Variants in ZNF213 observed in about 807,000 individuals in gnomAD.
The protein encoded by ZNF213 is putative transcription factor CR53.
ZNF213 carries 32 observed loss-of-function variants against 46.0 expected under a neutral mutation model. That is an observed-to-expected ratio of 0.70 (90% CI 0.52 to 0.93). The LOEUF is 0.93. Among genes scored for constraint, ZNF213 ranks in the 40% least tolerant of loss-of-function variants. ZNF213 has a pLI of 0.00. For synonymous variants in ZNF213, 297 were observed against 271.0 expected (o/e 1.10, Z -0.94); for missense variants, 639 against 652.8 (o/e 0.98, Z 0.23).
At chr16:3,138,020 C>T in intron 2 of ZNF213, 1 of 463,140 alleles carries the variant, frequency 2.2e-6, no homozygotes, top group South Asian at 2.3e-5. Context: ...GAGCCAGCTC[C>T]AGAGTGGGGC....
rs752900277 is a variant in ZNF213, at chr16:3,141,305, G to C, written c.1338G>C (p.Ala446=). 6 of 1,599,892 alleles carry C rather than the reference G, an allele frequency of 3.8e-6. No individual in the cohort carries two copies. The highest frequency in any genetic ancestry group is 1.7e-4 in the Middle Eastern group (1 of 5,816). Residue 446 remains alanine (A), a synonymous_variant, in exon 6 of 6, where the codon GCG becomes GCC. Transcript: ENST00000396878. The part of the protein sequence containing the change: ...KSFKQRAHLI[A]HQSLHAKMAQ... ...TCAAGCAGCGCGCGCACCTCATCGCGCATCAGAGCCTGCACGCCAAGATGG... is the reference window on the plus strand; with the variant it reads ...TCAAGCAGCGCGCGCACCTCATCGCCCATCAGAGCCTGCACGCCAAGATGG...
rs1051506996 is a variant in ZNF213, at chr16:3,141,646, G to C, written c.*299G>C. On this transcript the variant is annotated 3_prime_UTR_variant, in exon 6 of 6. Coordinates refer to ENST00000396878, the MANE Select transcript of ZNF213 (RefSeq NM_004220.3). ...AACACATTCCTGGCAGGGACAGCAGGGTGGCAAGGACTCAGGTCTAGGTCC... is the reference window on the plus strand; with the variant it reads ...AACACATTCCTGGCAGGGACAGCAGCGTGGCAAGGACTCAGGTCTAGGTCC... The C allele has an allele frequency of 2.3e-6, 1 of 443,734 alleles. No homozygotes were observed. The highest frequency in any genetic ancestry group is 4.0e-5 in the Admixed American group (1 of 25,126). The allele number at this position is 443,734 out of a possible 1,614,324, so 27.5% of individuals were successfully genotyped here.
Position 3,140,801 on chromosome 16 carries a change from G to A in ZNF213, c.834G>A (p.Glu278=). 1.3e-6 allele frequency: 2 copies of A among 1,596,050 alleles called. No individual in the cohort carries two copies. The highest frequency in any genetic ancestry group is 1.1e-5 in the South Asian group (1 of 88,956). ...TGTCCTGGAGCCCCGAGGAGGCTGAGGCCTGGGAGAGCGAGAACCGGCCGA... is the reference window on the plus strand; with the variant it reads ...TGTCCTGGAGCCCCGAGGAGGCTGAAGCCTGGGAGAGCGAGAACCGGCCGA... ...VTVSWSPEEA[E]AWESENRPRA... The change falls in exon 6 of 6, where the codon GAG becomes GAA. Residue 278 remains glutamate (E), a synonymous_variant. Transcript: ENST00000396878.
chr16:3,139,640 C>CTGTCCAGATG (rs1555449578), intron 5 of ZNF213: 3,203 of 155,226 alleles, frequency 0.021, 91 homozygotes, highest in East Asian at 0.14. Context: ...CTGTCCAGAT[C>CTGTCCAGATG]TGTGTTGAGT....
intron 5 of ZNF213, 64 bp from the exon 6 acceptor site, chr16:3,140,625 C>T: frequency 6.9e-7 from 1 of 1,446,272 alleles, no homozygotes; most frequent in Non-Finnish European, 9.1e-7. Flanking sequence ...CTTGTTTCTT[C>T]CTCACCTCAG....
At chr16:3,138,288 G>T in intron 2 of ZNF213, 130 bp from the exon 3 acceptor site, 1 of 1,505,144 alleles carries the variant, frequency 6.6e-7, no homozygotes, top group Non-Finnish European at 8.9e-7. Context: ...TTTTCCTGGG[G>T]CACCATATTG....
intron 2 of ZNF213, 98 bp downstream of exon 2, chr16:3,137,777 T>C (rs1957557705): frequency 6.9e-7 from 1 of 1,452,474 alleles, no homozygotes; most frequent in Non-Finnish European, 9.2e-7. Context: ...GCTCACAGGG[T>C]AGGGGAGACA....
Position 3,135,078 on chromosome 16 carries a change from C to G in ZNF213, c.-425C>G, listed in dbSNP as rs1301100393. 2.1e-5 allele frequency: 2 copies of G among 95,130 alleles called. No individual in the cohort carries two copies. Among genetic ancestry groups the G allele is most frequent in the Admixed American group, 1.5e-4 (1 of 6,472 alleles). 5.9% of individuals were successfully genotyped at this position (95,130 alleles called of 1,614,324 possible). A position where few individuals can be genotyped will look rare whatever the true frequency, so the allele number is the denominator to read the frequency against. On this transcript the variant is annotated 5_prime_UTR_variant, in exon 1 of 6. Coordinates refer to ENST00000396878, the MANE Select transcript of ZNF213 (RefSeq NM_004220.3). ...GCGGCGGAAGTGGGATCTCCTGGGC[C>G]GTAGTGGGCGTTGTGTGTTTCGGGG...
chr16:3,140,245 G>GT (rs1321959613), intron 5 of ZNF213: 1 of 153,766 alleles, frequency 6.5e-6, no homozygotes, highest in Non-Finnish European at 1.4e-5. Context: ...GTTTTTGTTT[G>GT]TTTTTGAGAC....
In ZNF213 at chr16:3,138,534, C is replaced by A; in HGVS notation, c.516C>A (p.Ser172Arg). Residue 172 changes from serine (S) to arginine (R), a missense_variant, in exon 3 of 6, where the codon AGC (serine) becomes AGA (arginine). Coordinates refer to ENST00000396878, the MANE Select transcript of ZNF213 (RefSeq NM_004220.3). ...RRPSVPQEQH[S>R]HSAQPPALLK... ...CGTCTGTTCCCCAGGAGCAGCACAGCCATAGCGGTGAGTAAGCCTCCGTTC... is the reference window on the plus strand; with the variant it reads ...CGTCTGTTCCCCAGGAGCAGCACAGACATAGCGGTGAGTAAGCCTCCGTTC... 1 of 1,614,094 alleles carries A rather than the reference C, an allele frequency of 6.2e-7. No homozygotes were observed. The highest frequency in any genetic ancestry group is 8.5e-7 in the Non-Finnish European group (1 of 1,180,008).
In ZNF213 at chr16:3,141,152, C is replaced by T. The variant is rs1173726426; in HGVS notation, c.1185C>T (p.His395=). 3.1e-6 allele frequency: 5 copies of T among 1,612,594 alleles called. No homozygotes were observed. Among genetic ancestry groups the T allele is most frequent in the Non-Finnish European group, 4.2e-6 (5 of 1,179,818 alleles). ...ACCTGGCCGACCACCAGCGCATACA[C>T]ACGGGCGAGAAGCCTTTCGGCTGCA... is the stretch of plus-strand genomic sequence containing the variant. ...SAYLADHQRI[H]TGEKPFGCSD... Residue 395 remains histidine (H), a synonymous_variant, in exon 6 of 6, where the codon CAC becomes CAT. Transcript: ENST00000396878.
chr16:3,139,890 G>A (rs1373937830), intron 5 of ZNF213: 1 of 152,124 alleles, frequency 6.6e-6, no homozygotes, highest in Admixed American at 6.5e-5. Flanking sequence ...ACAGGCATGA[G>A]CCACCATGCC....
In ZNF213 at chr16:3,135,141, C is replaced by T. The variant is rs1444894157; in HGVS notation, c.-362C>T. 1.3e-4 allele frequency: 20 copies of T among 153,010 alleles called. No individual in the cohort carries two copies. The highest frequency in any genetic ancestry group is 8.5e-4 in the Admixed American group (13 of 15,264). 9.5% of individuals were successfully genotyped at this position (153,010 alleles called of 1,614,324 possible). On this transcript the variant is annotated 5_prime_UTR_variant, in exon 1 of 6. Coordinates refer to ENST00000396878, the MANE Select transcript of ZNF213 (RefSeq NM_004220.3). Reference sequence around the variant, plus strand: ...GCGGGGGCCGGGGCGGGGACGGGGCCTCTGGCCGCCTGGCTCCAACATCAA... The same window carrying T: ...GCGGGGGCCGGGGCGGGGACGGGGCTTCTGGCCGCCTGGCTCCAACATCAA...
At position 3,140,714 on chromosome 16, in the gene ZNF213, G is replaced by A. The variant is rs2141539810; in HGVS notation, c.747G>A (p.Glu249=). 6.6e-7 allele frequency: 1 copy of A among 1,517,172 alleles called. No homozygotes were observed. Among genetic ancestry groups the A allele is most frequent in the South Asian group, 1.3e-5 (1 of 75,696 alleles). 94.0% of individuals were successfully genotyped at this position (1,517,172 alleles called of 1,614,324 possible). ...GTTTTGGGCTCAAAGGCCAAAGTGA[G>A]AAGTCCCTGCTGCAGGAGATGGTGC... The part of the protein sequence containing the change: ...TLGFGLKGQS[E]KSLLQEMVPV... The change falls in exon 6 of 6, where the codon GAG becomes GAA. Residue 249 remains glutamate, a synonymous_variant. Transcript: ENST00000396878.
chr16:3,141,315 C>T lies in ZNF213; in HGVS notation c.1348C>T (p.Leu450=), dbSNP rs577032524. Residue 450 remains leucine (L), a synonymous_variant, in exon 6 of 6, where the codon CTG becomes TTG. Transcript: ENST00000396878. ...QRAHLIAHQS[L]HAKMAQPVG The stretch of plus-strand genomic sequence containing the variant: ...CGCGCACCTCATCGCGCATCAGAGC[C>T]TGCACGCCAAGATGGCCCAGCCCGT... 6.5e-4 allele frequency: 1,038 copies of T among 1,588,362 alleles called. 11 individuals are homozygous for T. The South Asian group carries it at 0.011, about 17-fold the overall frequency.
chr16:3,138,314 C>G, intron 2 of ZNF213, 104 bp from the exon 3 acceptor site: 2 of 1,550,922 alleles, frequency 1.3e-6, no homozygotes, highest in Non-Finnish European at 1.7e-6. Context: ...CTTCCCACAC[C>G]CCAGCATCCT....
Position 3,141,611 on chromosome 16 carries a change from C to T in ZNF213, c.*264C>T, listed in dbSNP as rs1957605515. On this transcript the variant is annotated 3_prime_UTR_variant, in exon 6 of 6. Transcript: ENST00000396878. ...AGCGTTCCTCTTCCCCTCTAGTTTCCTGGAGCCCCAACACATTCCTGGCAG... is the reference window on the plus strand; with the variant it reads ...AGCGTTCCTCTTCCCCTCTAGTTTCTTGGAGCCCCAACACATTCCTGGCAG... 1 of 493,336 alleles carries T rather than the reference C, an allele frequency of 2.0e-6. No individual in the cohort carries two copies. The highest frequency in any genetic ancestry group is 3.6e-6 in the Non-Finnish European group (1 of 281,032). The allele number at this position is 493,336 out of a possible 1,614,324, so 30.6% of individuals were successfully genotyped here.
At chr16:3,138,139 C>T (rs1381731418) in intron 2 of ZNF213, 10 of 536,914 alleles carry the variant, frequency 1.9e-5, no homozygotes, top group Non-Finnish European at 3.2e-5. Flanking sequence ...GGGGTTCTGC[C>T]TTTGGCAGGA....
At chr16:3,140,498 C>T in intron 5 of ZNF213, 191 bp from the exon 6 acceptor site, 2 of 832,636 alleles carry the variant, frequency 2.4e-6, no homozygotes, top group Non-Finnish European at 3.3e-6. Context: ...GTTGGGATTA[C>T]AGGCTTGAGT....
Sources: gnomAD v4.1 joint callset for allele counts on GRCh38, gnomAD v4.1.1 for gene constraint, MANE v1.5 for transcripts, NCBI Gene and HGNC (gene_info 2026-07-23, HGNC 2026-07-21) for gene names.